Variants in CTNND2 observed in about 807,000 individuals in gnomAD.
The protein encoded by CTNND2 is catenin delta-2.
CTNND2 carries 22 observed loss-of-function variants against 144.4 expected under a neutral mutation model. The observed-to-expected ratio is 0.15, with a 90% CI of 0.11 to 0.22. CTNND2 has a LOEUF of 0.22. CTNND2 is among the 10% of genes least tolerant of loss of function. The pLI is 1.00. For missense variants in CTNND2, 1,353 were observed against 1,618.8 expected, an observed-to-expected ratio of 0.84 and a Z score of 2.82; for synonymous variants, 751 against 695.6, an observed-to-expected ratio of 1.08 and a Z score of -1.25.
chr5:11,257,264 G>T (rs1561105665), intron 9 of CTNND2, among the ~76,000 whole-genome samples: 1 of 152,076 alleles, frequency 6.6e-6, no homozygotes, highest in Non-Finnish European at 1.5e-5. Context: ...TTGTTTCCTT[G>T]GTTCAAGCAC....
chr5:11,061,880 TA>T (rs1013330505), intron 16 of CTNND2, among the ~76,000 whole-genome samples: 10 of 152,254 alleles, frequency 6.6e-5, no homozygotes, highest in African/African-American at 2.4e-4. Flanking sequence ...GGCTAATTTT[TA>T]TATTTTTAGT....
chr5:11,634,578 T>C (rs1358901683), intron 2 of CTNND2, among the ~76,000 whole-genome samples: 1 of 152,168 alleles, frequency 6.6e-6, no homozygotes, highest in Non-Finnish European at 1.5e-5. Context: ...TTCTATGCAA[T>C]CCCACACTGA....
At chr5:11,616,425 G>A (rs1432831042) in intron 2 of CTNND2, among the ~76,000 whole-genome samples, 2 of 152,124 alleles carry the variant, frequency 1.3e-5, no homozygotes, top group Admixed American at 6.6e-5. Context: ...CACATCTGCA[G>A]TATCTGATGG....
chr5:11,841,065 C>A (rs1264917018), intron 1 of CTNND2, among the ~76,000 whole-genome samples: 1 of 152,150 alleles, frequency 6.6e-6, no homozygotes, highest in Non-Finnish European at 1.5e-5. Context: ...TATTTTAGAT[C>A]TGAGACAACT....
intron 7 of CTNND2, among the ~76,000 whole-genome samples, chr5:11,366,595 A>T (rs1022152348): frequency 2.6e-5 from 4 of 152,340 alleles, no homozygotes; most frequent in Non-Finnish European, 5.9e-5. Context: ...GAATATATTT[A>T]AGTACAGTAT....
intron 16 of CTNND2, among the ~76,000 whole-genome samples, chr5:11,057,494 C>T (rs1746459067): frequency 6.6e-6 from 1 of 152,238 alleles, no homozygotes; most frequent in Non-Finnish European, 1.5e-5. Flanking sequence ...TGACTTGCTC[C>T]TCCTTGCCTT....
intron 1 of CTNND2, among the ~76,000 whole-genome samples, chr5:11,880,914 CACTACTACTACCACT>C (rs1736050176): frequency 1.5e-5 from 2 of 137,680 alleles, no homozygotes; most frequent in African/African-American, 5.5e-5. Flanking sequence ...CTACTACCAC[CACTACTACTACCACT>C]ACTACTGCTA....
chr5:11,619,509 G>GTCC (rs1328403843), intron 2 of CTNND2, among the ~76,000 whole-genome samples: 1 of 152,100 alleles, frequency 6.6e-6, no homozygotes, highest in African/African-American at 2.4e-5. Flanking sequence ...TTGATATGTA[G>GTCC]TCCTAGTGGG....
chr5:11,856,843 G>A (rs913275743), intron 1 of CTNND2, among the ~76,000 whole-genome samples: 2 of 152,066 alleles, frequency 1.3e-5, no homozygotes, highest in Non-Finnish European at 2.9e-5. Flanking sequence ...CCTGGCACAA[G>A]AAATAAAAAC....
intron 9 of CTNND2, among the ~76,000 whole-genome samples, chr5:11,277,716 G>A (rs1043969931): frequency 6.6e-6 from 1 of 151,778 alleles, no homozygotes; most frequent in Non-Finnish European, 1.5e-5. Flanking sequence ...ATTTTTAGTC[G>A]AGTCAGGATT....
intron 9 of CTNND2, among the ~76,000 whole-genome samples, chr5:11,251,744 C>G (rs534891154): frequency 6.6e-6 from 1 of 152,048 alleles, no homozygotes; most frequent in Non-Finnish European, 1.5e-5. Context: ...ATAGGAAGTT[C>G]GTCTTGTAAA....
At chr5:11,239,644 T>C (rs1742004146) in intron 9 of CTNND2, among the ~76,000 whole-genome samples, 2 of 152,240 alleles carry the variant, frequency 1.3e-5, no homozygotes, top group African/African-American at 4.8e-5. Flanking sequence ...GACACTCCCA[T>C]GACCTTGGAG....
At chr5:11,504,479 G>GT (rs1476904301) in intron 3 of CTNND2, among the ~76,000 whole-genome samples, 3 of 152,090 alleles carry the variant, frequency 2.0e-5, no homozygotes, top group African/African-American at 7.2e-5. Flanking sequence ...TCCTCCTATG[G>GT]TAACAAAGAG....
chr5:11,625,457 CA>C (rs1042869867), intron 2 of CTNND2, among the ~76,000 whole-genome samples: 7 of 150,152 alleles, frequency 4.7e-5, no homozygotes, highest in African/African-American at 1.7e-4. Context: ...ACATCATTTA[CA>C]AAAAATAACT....
intron 3 of CTNND2, among the ~76,000 whole-genome samples, chr5:11,522,658 A>G (rs1194362478): frequency 6.6e-6 from 1 of 152,208 alleles, no homozygotes; most frequent in Admixed American, 6.5e-5. Flanking sequence ...GAGAACAGAG[A>G]TATCATAAAC....
chr5:11,663,413 T>C (rs776500134), intron 2 of CTNND2, among the ~76,000 whole-genome samples: 1 of 152,166 alleles, frequency 6.6e-6, no homozygotes, highest in Non-Finnish European at 1.5e-5. Context: ...AATAGAGTTA[T>C]ATAACTATTA....
intron 9 of CTNND2, among the ~76,000 whole-genome samples, chr5:11,335,169 A>C (rs752250927): frequency 6.6e-6 from 1 of 152,218 alleles, no homozygotes; most frequent in Non-Finnish European, 1.5e-5. Flanking sequence ...AGTTACTAGG[A>C]TTGTCAAACT....
At chr5:11,819,584 A>G (rs1793203809) in intron 1 of CTNND2, among the ~76,000 whole-genome samples, 1 of 152,250 alleles carries the variant, frequency 6.6e-6, no homozygotes, top group African/African-American at 2.4e-5. Flanking sequence ...AGTAGCTGTG[A>G]CAGCAGCAAC....
chr5:11,115,876 T>C (rs981894760), intron 13 of CTNND2, among the ~76,000 whole-genome samples: 2 of 152,322 alleles, frequency 1.3e-5, no homozygotes, highest in East Asian at 1.9e-4. Context: ...AACCCTAATA[T>C]GTAGTCAGGG....
Sources: gnomAD v4.1 joint callset for allele counts (sites outside exome capture counted in the v4.1 genomes callset) on GRCh38, gnomAD v4.1.1 for gene constraint, MANE v1.5 for transcripts, NCBI Gene and HGNC (gene_info 2026-07-23, HGNC 2026-07-21) for gene names.